The following ACBD6 variants were observed in gnomAD, a reference collection of about 807,000 sequenced individuals.
ACBD6 encodes acyl-CoA-binding domain-containing protein 6.
In ACBD6, 28 loss-of-function variants were observed where a neutral mutation model predicts 37.2. The observed-to-expected ratio is 0.75, with a 90% CI of 0.56 to 1.03. The LOEUF is 1.03. Among genes scored for constraint, ACBD6 ranks in the 50% least tolerant of loss-of-function variants. ACBD6 has a pLI of 0.00. For synonymous variants in ACBD6, 113 were observed against 126.8 expected (o/e 0.89, Z 0.73); for missense variants, 340 against 337.4 (o/e 1.01, Z -0.06).
At chr1:180,501,985 T>C in intron 1 of ACBD6, 60 bp downstream of exon 1, 3 of 1,515,042 alleles carry the variant, frequency 2.0e-6, no homozygotes, top group African/African-American at 1.4e-5. Flanking sequence ...TTGCTATCAG[T>C]TGTTGAGGAA....
intron 3 of ACBD6, among the ~76,000 whole-genome samples, chr1:180,447,865 A>C (rs1348908818): frequency 1.3e-5 from 2 of 152,152 alleles, no homozygotes; most frequent in Non-Finnish European, 2.9e-5. Flanking sequence ...CAAATGGTTA[A>C]TATTTCTATA....
At chr1:180,285,404 A>G (rs1292073534), downstream of ACBD6, among the ~76,000 whole-genome samples, 6 of 152,218 alleles carry the variant, frequency 3.9e-5, no homozygotes, top group Admixed American at 3.9e-4. Flanking sequence ...TAATATTGTA[A>G]CTATGATGAA....
intron 6 of ACBD6, among the ~76,000 whole-genome samples, chr1:180,349,091 T>C (rs948367988): frequency 1.3e-5 from 2 of 152,026 alleles, no homozygotes; most frequent in African/African-American, 2.4e-5. Context: ...GTATCACTTG[T>C]TTAATATAAC....
chr1:180,501,946 C>A, intron 1 of ACBD6, 99 bp downstream of exon 1: 2 of 1,124,854 alleles, frequency 1.8e-6, no homozygotes, highest in Non-Finnish European at 2.7e-6. Flanking sequence ...ACACAAGCTT[C>A]ATTACACCTA....
intron 6 of ACBD6, among the ~76,000 whole-genome samples, chr1:180,392,177 T>C (rs1654101532): frequency 1.3e-5 from 2 of 152,112 alleles, no homozygotes; most frequent in South Asian, 4.1e-4. Context: ...AGGAAGTAAC[T>C]TTAGGGAACA....
chr1:180,464,496 T>G (rs149382762), intron 3 of ACBD6, among the ~76,000 whole-genome samples: 3 of 151,988 alleles, frequency 2.0e-5, no homozygotes, highest in East Asian at 3.9e-4. Context: ...AGGTGAAAGA[T>G]CTCTACAATG....
chr1:180,318,168 C>T (rs1432810810), intron 6 of ACBD6, among the ~76,000 whole-genome samples: 1,277 of 84,352 alleles, frequency 0.015, 82 homozygotes, highest in Non-Finnish European at 0.018. Flanking sequence ...TCTCCGCCCC[C>T]CCCCCCCAAA....
chr1:180,334,284 C>G (rs563101286), intron 6 of ACBD6, among the ~76,000 whole-genome samples: 1 of 152,304 alleles, frequency 6.6e-6, no homozygotes, highest in Admixed American at 6.5e-5. Context: ...CAGATTGACA[C>G]CTCACACGGC....
At chr1:180,436,326 G>A (rs1025168762) in intron 3 of ACBD6, among the ~76,000 whole-genome samples, 8 of 152,140 alleles carry the variant, frequency 5.3e-5, no homozygotes, top group Admixed American at 5.2e-4. Context: ...TTGATGAGAA[G>A]CTCACTACTT....
chr1:180,433,060 G>T (rs984324953), intron 3 of ACBD6, among the ~76,000 whole-genome samples: 10 of 152,046 alleles, frequency 6.6e-5, no homozygotes, highest in African/African-American at 2.4e-4. Context: ...CATTTTATGA[G>T]GTCTTATCCT....
intron 6 of ACBD6, among the ~76,000 whole-genome samples, chr1:180,384,920 G>A (rs889107577): frequency 6.6e-6 from 1 of 152,166 alleles, no homozygotes; most frequent in African/African-American, 2.4e-5. Flanking sequence ...AATTTTACAT[G>A]TTCTCATTCA....
At chr1:180,431,630 G>C (rs1236397496) in intron 3 of ACBD6, among the ~76,000 whole-genome samples, 1 of 152,136 alleles carries the variant, frequency 6.6e-6, no homozygotes. Context: ...TGAGGAACGT[G>C]TACAAAGGGA....
chr1:180,429,134 C>G (rs1648713351), intron 4 of ACBD6, among the ~76,000 whole-genome samples: 1 of 152,156 alleles, frequency 6.6e-6, no homozygotes, highest in African/African-American at 2.4e-5. Context: ...AAAAGTATTT[C>G]TAAGTATACA....
At chr1:180,372,146 T>C (rs1413354733) in intron 6 of ACBD6, among the ~76,000 whole-genome samples, 2 of 152,142 alleles carry the variant, frequency 1.3e-5, no homozygotes, top group African/African-American at 2.4e-5. Context: ...GAATTTAAGG[T>C]TATGAACAGA....
chr1:180,462,642 ACACCC>A (rs1650193685), intron 3 of ACBD6, among the ~76,000 whole-genome samples: 1 of 152,194 alleles, frequency 6.6e-6, no homozygotes, highest in Admixed American at 6.5e-5. Flanking sequence ...GGAGACTTTA[ACACCC>A]CACTGACAAT....
At chr1:180,335,306 T>A (rs1174695684) in intron 6 of ACBD6, among the ~76,000 whole-genome samples, 3 of 152,140 alleles carry the variant, frequency 2.0e-5, no homozygotes, top group African/African-American at 7.2e-5. Flanking sequence ...TACTAACAGC[T>A]GATCTCTCGG....
chr1:180,426,060 A>T (rs993163978), intron 4 of ACBD6, among the ~76,000 whole-genome samples: 6 of 152,208 alleles, frequency 3.9e-5, no homozygotes, highest in African/African-American at 1.4e-4. Context: ...GTGTCTGACC[A>T]CAAGCAGCAA....
At chr1:180,279,012 T>C (rs1649215107) in intron 9 of ACBD6, 1 of 152,150 alleles carries the variant, frequency 6.6e-6, no homozygotes, top group South Asian at 2.1e-4. Flanking sequence ...TTTCATTTGG[T>C]TTGCTGGAAG....
At chr1:180,332,813 C>A (rs1021905361) in intron 6 of ACBD6, among the ~76,000 whole-genome samples, 2 of 152,156 alleles carry the variant, frequency 1.3e-5, no homozygotes, top group African/African-American at 2.4e-5. Context: ...TTCCACGAAA[C>A]CTGTCCCTGG....
Sources: gnomAD v4.1 joint callset for allele counts (sites outside exome capture counted in the v4.1 genomes callset) on GRCh38, gnomAD v4.1.1 for gene constraint, MANE v1.5 for transcripts, NCBI Gene and HGNC (gene_info 2026-07-23, HGNC 2026-07-21) for gene names.